REL: variants seen among roughly 807,000 people sequenced by gnomAD.
The protein encoded by REL is proto-oncogene c-Rel.
REL carries 15 observed loss-of-function variants against 45.9 expected under a neutral mutation model. That is an observed-to-expected ratio of 0.33 (90% CI 0.22 to 0.50). The LOEUF (loss-of-function observed/expected upper bound fraction) is 0.50, where lower values mean the gene tolerates loss of function less well. Ranked by LOEUF, REL falls within the 20% of genes least tolerant of loss-of-function variation. The pLI, the probability that REL is intolerant of heterozygous loss-of-function variation, is 0.98. For synonymous variants in REL, 239 were observed against 242.1 expected, an observed-to-expected ratio of 0.99 and a Z score of 0.12; for missense variants, 601 against 715.2, an observed-to-expected ratio of 0.84 and a Z score of 1.82.
Position 60,924,721 on chromosome 2 carries a change from T to C in REL, c.*2186T>C, listed in dbSNP as rs984751983. The C allele has an allele frequency of 6.2e-5, 13 of 211,044 alleles. No individual in the cohort carries two copies. The highest frequency in any genetic ancestry group is 5.7e-4 in the East Asian group (8 of 14,054). 13.1% of individuals were successfully genotyped at this position (211,044 alleles called of 1,614,324 possible). On this transcript the variant is annotated 3_prime_UTR_variant, in exon 10 of 10. Transcript: ENST00000394479. ...CAACTTCCAGATTGAGTAACACTTA[T>C]AACACATTTCCTTTTCAAAGTGCAA...
intron 1 of REL, among the ~76,000 whole-genome samples, chr2:60,883,973 T>A (rs759965581): frequency 4.4e-5 from 6 of 137,694 alleles, no homozygotes; most frequent in Non-Finnish European, 9.7e-5. Context: ...AAAAAAAAAA[T>A]GTTTACAGGA....
Position 60,914,296 on chromosome 2 carries a change from G to C in REL, c.395-2581G>C, listed in dbSNP as rs552806138. On this transcript the variant is annotated intron_variant, in intron 4 of 9. Transcript: ENST00000394479. Reference sequence around the variant, plus strand: ...AAAACGGGTATCTGTCATGATTCTTGCCTGTCAGTAGTTTTTAACCATGTT... The same window carrying C: ...AAAACGGGTATCTGTCATGATTCTTCCCTGTCAGTAGTTTTTAACCATGTT... Among the ~76,000 whole-genome samples the C allele has an allele frequency of 4.6e-5, 7 of 152,270 alleles. No individual in the cohort carries two copies. In the East Asian group the frequency reaches 1.3e-3, roughly 29 times the overall value.
rs574706222 is a variant in REL at position 60,925,894 on chromosome 2, G to C, written c.*3359G>C. On this transcript the variant is annotated 3_prime_UTR_variant, in exon 10 of 10. Coordinates refer to ENST00000394479, the MANE Select transcript of REL (RefSeq NM_001291746.2). ...AGAATATTTTTTTAAAACTAAATAA[G>C]TGTTGGCTAGTTTTGCGGTGTAAGC... is the stretch of plus-strand genomic sequence containing the variant. The C allele has an allele frequency of 4.0e-5, 9 of 224,194 alleles. No individual in the cohort carries two copies. In the South Asian group the frequency reaches 1.7e-3, roughly 41 times the overall value. The allele number at this position is 224,194 out of a possible 1,614,324, so 13.9% of individuals were successfully genotyped here.
intron 2 of REL, among the ~76,000 whole-genome samples, chr2:60,893,842 C>CT (rs1673282720): frequency 6.6e-6 from 1 of 152,084 alleles, no homozygotes; most frequent in South Asian, 2.1e-4. Flanking sequence ...CCTTTTTACT[C>CT]TGTGTTCTAG....
chr2:60,920,000 C>A (rs768197344), intron 7 of REL, 41 bp from the exon 8 acceptor site: 2 of 1,307,298 alleles, frequency 1.5e-6, no homozygotes, highest in African/African-American at 1.5e-5. Context: ...GGATACAATC[C>A]TATAATTTTT....
At chr2:60,920,376 T>G in intron 8 of REL, 198 bp from the exon 9 acceptor site, 6 of 631,238 alleles carry the variant, frequency 9.5e-6, no homozygotes, top group Non-Finnish European at 1.7e-5. Context: ...AATTTTTGTA[T>G]TTTTAGTAGA....
intron 9 of REL, among the ~76,000 whole-genome samples, 188 bp downstream of exon 9, chr2:60,920,830 T>G (rs1674121789): frequency 6.6e-6 from 1 of 152,236 alleles, no homozygotes; most frequent in Admixed American, 6.5e-5. Context: ...TGATTATGTT[T>G]TTGGGATTTA....
chr2:60,906,845 G>A (rs28488051), intron 4 of REL, among the ~76,000 whole-genome samples: 43 of 135,688 alleles, frequency 3.2e-4, no homozygotes, highest in African/African-American at 1.1e-3. Flanking sequence ...ATATATATAT[G>A]TGTGTGTATG....
intron 7 of REL, among the ~76,000 whole-genome samples, chr2:60,919,135 C>CA (rs1295513980): frequency 3.3e-5 from 5 of 152,242 alleles, no homozygotes; most frequent in Non-Finnish European, 4.4e-5. Flanking sequence ...ACTTACCACT[C>CA]AGAGAGTAGT....
intron 3 of REL, 28 bp from the exon 4 acceptor site, chr2:60,900,964 G>A (rs766479607): frequency 6.4e-6 from 10 of 1,572,540 alleles, no homozygotes; most frequent in African/African-American, 4.1e-5. Context: ...TTATAATGCA[G>A]TTTTGAATAT....
intron 1 of REL, among the ~76,000 whole-genome samples, chr2:60,883,630 T>C (rs1257826470): frequency 6.6e-6 from 1 of 152,200 alleles, no homozygotes; most frequent in African/African-American, 2.4e-5. Flanking sequence ...TGCATGAATT[T>C]AATACTTCTA....
chr2:60,895,943 A>G (rs546580053), intron 3 of REL, among the ~76,000 whole-genome samples: 44 of 152,182 alleles, frequency 2.9e-4, no homozygotes, highest in African/African-American at 1.0e-3. Flanking sequence ...CATATTGCCA[A>G]TATGTCTATT....
intron 8 of REL, 159 bp downstream of exon 8, chr2:60,920,268 C>T (rs1269490366): frequency 1.6e-6 from 1 of 642,530 alleles, no homozygotes; most frequent in Admixed American, 3.0e-5. Flanking sequence ...GTAGGGCAAT[C>T]TCAACTCACT....
intron 1 of REL, among the ~76,000 whole-genome samples, chr2:60,883,730 T>C (rs1673004188): frequency 6.6e-6 from 1 of 152,170 alleles, no homozygotes; most frequent in Admixed American, 6.5e-5. Context: ...TTTAAATTTG[T>C]TCATTGACAC....
chr2:60,906,184 T>G (rs539393412), intron 4 of REL, among the ~76,000 whole-genome samples: 1 of 152,264 alleles, frequency 6.6e-6, no homozygotes, highest in African/African-American at 2.4e-5. Flanking sequence ...TGATTCAAAT[T>G]ATCTCCCACT....
intron 8 of REL, 144 bp from the exon 9 acceptor site, chr2:60,920,430 A>C (rs756472015): frequency 3.7e-5 from 26 of 700,004 alleles, no homozygotes; most frequent in Non-Finnish European, 6.5e-5. Context: ...TGAACTCCTG[A>C]CATCAGGTGA....
intron 3 of REL, chr2:60,899,722 G>A (rs2103943892): frequency 6.6e-6 from 1 of 152,392 alleles, no homozygotes; most frequent in Admixed American, 6.5e-5. Flanking sequence ...CAATTTTACT[G>A]ATGTCATGGT....
In REL at chr2:60,929,069, A is replaced by G. The variant is rs1327367623; in HGVS notation, c.*6534A>G. 6.8e-6 allele frequency: 1 copy of G among 148,030 alleles called. No homozygotes were observed. The highest frequency in any genetic ancestry group is 1.5e-5 in the Non-Finnish European group (1 of 66,220). The allele number at this position is 148,030 out of a possible 1,614,324, so 9.2% of individuals were successfully genotyped here. A position where few individuals can be genotyped will look rare whatever the true frequency, so the allele number is the denominator to read the frequency against. ...TATGCAGCCAAAAAACACATGAAAA[A>G]ATGCTCATCATGACTGGCCATCAGA... is the stretch of plus-strand genomic sequence containing the variant. On this transcript the variant is annotated 3_prime_UTR_variant, in exon 10 of 10. Coordinates refer to ENST00000394479, the MANE Select transcript of REL (RefSeq NM_001291746.2).
intron 3 of REL, 188 bp from the exon 4 acceptor site, chr2:60,900,804 C>G (rs1673473771): frequency 5.9e-6 from 3 of 511,898 alleles, no homozygotes; most frequent in East Asian, 8.0e-5. Context: ...ATTACAGGCA[C>G]AAGCCACGCG....
Sources: allele counts gnomAD v4.1 joint callset (sites outside exome capture counted in the v4.1 genomes callset), GRCh38; gene constraint gnomAD v4.1.1; transcripts MANE v1.5; gene names NCBI Gene and HGNC (gene_info 2026-07-23, HGNC 2026-07-21).